Variants in KCNH2 observed in about 807,000 individuals in gnomAD.
KCNH2 encodes potassium voltage-gated channel subfamily H member 2.
In KCNH2, 35 loss-of-function variants were observed where a neutral mutation model predicts 95.9. The observed-to-expected ratio is 0.37, with a 90% CI of 0.28 to 0.48. KCNH2 has a LOEUF of 0.48. Ranked by LOEUF, KCNH2 falls within the 20% of genes least tolerant of loss-of-function variation. KCNH2 has a pLI of 0.99. For synonymous variants in KCNH2, 786 were observed against 754.7 expected (o/e 1.04, Z -0.68); for missense variants, 1,274 against 1,702.9 (o/e 0.75, Z 4.43).
At chr7:150,966,144 C>T (rs892033447) in intron 2 of KCNH2, among the ~76,000 whole-genome samples, 1 of 152,162 alleles carries the variant, frequency 6.6e-6, no homozygotes, top group Non-Finnish European at 1.5e-5. Flanking sequence ...TCACTGTGAC[C>T]CCACACACAG....
At chr7:150,948,148 C>T (rs1377316327) in intron 11 of KCNH2, among the ~76,000 whole-genome samples, 5 of 152,218 alleles carry the variant, frequency 3.3e-5, no homozygotes, top group Non-Finnish European at 7.3e-5. Context: ...GGCTCCCTGG[C>T]CCTCCTTTGT....
At chr7:150,971,801 G>A (rs911461008) in intron 2 of KCNH2, among the ~76,000 whole-genome samples, 3 of 152,012 alleles carry the variant, frequency 2.0e-5, no homozygotes, top group Non-Finnish European at 4.4e-5. Context: ...CGGTGGCAGG[G>A]AAGCAGGGAG....
intron 5 of KCNH2, among the ~76,000 whole-genome samples, chr7:150,954,106 C>T (rs1801281831): frequency 6.6e-6 from 1 of 152,168 alleles, no homozygotes; most frequent in African/African-American, 2.4e-5. Context: ...TCCAGCGGTA[C>T]CAGATGGGCT....
chr7:150,950,282 G>A lies in KCNH2; in HGVS notation c.2284C>T (p.His762Tyr). The A allele has an allele frequency of 1.7e-5, 27 of 1,613,920 alleles. No individual in the cohort carries two copies. Among genetic ancestry groups the A allele is most frequent in the Non-Finnish European group, 2.1e-5 (25 of 1,179,994 alleles). Residue 762 changes from histidine (H) to tyrosine (Y), a missense_variant, in exon 9 of 15, where the codon CAT becomes TAT. Coordinates refer to ENST00000262186, the MANE Select transcript of KCNH2 (RefSeq NM_000238.4). Reference protein sequence around the residue: ...RALAMKFKTTHAPPGDTLVHA... With the variant: ...RALAMKFKTTYAPPGDTLVHA... ...ACCAGTGTGTCCCCTGGCGGTGCAT[G>A]TGTGGTCTTGAACTTCATGGCCAGG...
At chr7:150,948,328 G>T in intron 11 of KCNH2, 116 bp downstream of exon 11, 1 of 841,080 alleles carries the variant, frequency 1.2e-6, no homozygotes, top group Non-Finnish European at 1.9e-6. Flanking sequence ...GGGCACACTG[G>T]AGGAAGGGAT....
In KCNH2 at chr7:150,947,646, C is replaced by T. The variant is rs1452843656; in HGVS notation, c.2925G>A (p.Glu975=). The T allele has an allele frequency of 1.2e-6, 2 of 1,611,974 alleles. No individual in the cohort carries two copies. Among genetic ancestry groups the T allele is most frequent in the Non-Finnish European group, 1.7e-6 (2 of 1,179,242 alleles). Residue 975 remains glutamate (E), a synonymous_variant, in exon 12 of 15, where the codon GAG becomes GAA. Transcript: ENST00000262186. Reference sequence around the variant, plus strand: ...AAGTGTCGCTGCTCTTCTCGCAGTCCTCCATCAGGGGCTCCCCACCCGGCG... The same window carrying T: ...AAGTGTCGCTGCTCTTCTCGCAGTCTTCCATCAGGGGCTCCCCACCCGGCG... The part of the protein sequence containing the change: ...GEPPGGEPLM[E]DCEKSSDTCN...
At position 150,977,946 on chromosome 7, in the gene KCNH2, A is replaced by ACCCAC. The variant is rs1802020295; in HGVS notation, c.-38_-34dup. The ACCCAC allele has an allele frequency of 6.8e-7, 1 of 1,465,818 alleles. No individual in the cohort carries two copies. The highest frequency in any genetic ancestry group is 2.0e-5 in the Admixed American group (1 of 51,086). 90.8% of individuals were successfully genotyped at this position (1,465,818 alleles called of 1,614,324 possible). A position where few individuals can be genotyped will look rare whatever the true frequency, so the allele number is the denominator to read the frequency against. On this transcript the variant is annotated 5_prime_UTR_variant, in exon 1 of 15. Coordinates refer to ENST00000262186, the MANE Select transcript of KCNH2 (RefSeq NM_000238.4). ...CCATGGGCGGGCCGGGCGGGCCCCC[A>ACCCAC]CCCACCCCGGCCCGGCCCGGCCCAG...
At chr7:150,966,126 GC>G (rs879927791) in intron 2 of KCNH2, among the ~76,000 whole-genome samples, 5 of 152,192 alleles carry the variant, frequency 3.3e-5, no homozygotes, top group African/African-American at 4.8e-5. Context: ...GTCCCCTTCA[GC>G]CCCCCTTCAC....
At position 150,978,174 on chromosome 7, in the gene KCNH2, C is replaced by G. The variant is rs976861784; in HGVS notation, c.-261G>C. The G allele has an allele frequency of 1.4e-5, 2 of 146,424 alleles. No individual in the cohort carries two copies. The highest frequency in any genetic ancestry group is 4.9e-5 in the African/African-American group (2 of 40,704). The allele number at this position is 146,424 out of a possible 1,614,324, so 9.1% of individuals were successfully genotyped here. A position where few individuals can be genotyped will look rare whatever the true frequency, so the allele number is the denominator to read the frequency against. ...CACCTGTCTGCCGGCCCCCGCCGAGCCGCGGGGCCCGCTCCGCCGCGTCCC... is the reference window on the plus strand; with the variant it reads ...CACCTGTCTGCCGGCCCCCGCCGAGGCGCGGGGCCCGCTCCGCCGCGTCCC... On this transcript the variant is annotated 5_prime_UTR_variant, in exon 1 of 15. Coordinates refer to ENST00000262186, the MANE Select transcript of KCNH2 (RefSeq NM_000238.4).
intron 13 of KCNH2, 127 bp from the exon 14 acceptor site, chr7:150,947,181 G>T: frequency 9.0e-7 from 1 of 1,105,126 alleles, no homozygotes; most frequent in Non-Finnish European, 1.3e-6. Context: ...CGCTAGAGGT[G>T]TGGCAGCCCC....
At chr7:150,947,957 GC>G (rs1219131724) in intron 11 of KCNH2, 79 bp from the exon 12 acceptor site, 20 of 1,452,154 alleles carry the variant, frequency 1.4e-5, no homozygotes, top group Non-Finnish European at 1.7e-5. Context: ...GGGGACAGGA[GC>G]GAGCCCGAGA....
At chr7:150,950,796 G>T in intron 8 of KCNH2, 125 bp downstream of exon 8, 3 of 1,001,334 alleles carry the variant, frequency 3.0e-6, no homozygotes, top group African/African-American at 1.6e-5. Context: ...AAGGGGCAAC[G>T]TGCCTCCAGG....
Position 150,977,820 on chromosome 7 carries a change from GC to G in KCNH2, c.76+17del. 6 of 534,500 alleles carry G rather than the reference GC, an allele frequency of 1.1e-5. No homozygotes were observed. Among genetic ancestry groups the G allele is most frequent in the East Asian group, 4.1e-5 (1 of 24,462 alleles). The allele number at this position is 534,500 out of a possible 1,614,324, so 33.1% of individuals were successfully genotyped here. A position where few individuals can be genotyped will look rare whatever the true frequency, so the allele number is the denominator to read the frequency against. On this transcript the variant is annotated intron_variant, in intron 1 of 14. Transcript: ENST00000262186. ...GCCCCCAGAGCCCCCTCCCCGCTCA[GC>G]CCCCTCCCCCACTCACTCTGGCCCT...
chr7:150,956,940 C>A (rs1292702466), intron 5 of KCNH2, among the ~76,000 whole-genome samples: 1 of 152,136 alleles, frequency 6.6e-6, no homozygotes, highest in South Asian at 2.1e-4. Flanking sequence ...CCTTTCATGT[C>A]CCTCAGGCCG....
At chr7:150,974,648 C>T (rs1443839921) in intron 2 of KCNH2, 63 bp downstream of exon 2, 2 of 1,221,990 alleles carry the variant, frequency 1.6e-6, no homozygotes, top group Admixed American at 2.0e-5. Flanking sequence ...CCCTGCCCCT[C>T]GCCGTGGTCC....
intron 5 of KCNH2, among the ~76,000 whole-genome samples, chr7:150,953,652 G>T (rs1314878216): frequency 6.6e-6 from 1 of 152,216 alleles, no homozygotes; most frequent in African/African-American, 2.4e-5. Flanking sequence ...TCCGGACCCG[G>T]TGACAGCAGG....
rs1472349811 is a variant in KCNH2 at position 150,946,296 on chromosome 7, G to A, written c.3330+581C>T. Among the ~76,000 whole-genome samples the A allele has an allele frequency of 1.3e-5, 2 of 152,166 alleles. No individual in the cohort carries two copies. The highest frequency in any genetic ancestry group is 2.9e-5 in the Non-Finnish European group (2 of 68,016). On this transcript the variant is annotated intron_variant, in intron 14 of 14. Transcript: ENST00000262186. The surrounding 1 kb of genome is among the most constrained non-coding windows in gnomAD (Gnocchi z 6.5). ...ACTAAGGCCCATCTCTAGCAGAGGG[G>A]GCAAAGCAGGCCCAGGAAGTCCTCC...
chr7:150,950,013 G>C, intron 9 of KCNH2, 155 bp downstream of exon 9: 1 of 1,573,248 alleles, frequency 6.4e-7, no homozygotes, highest in Non-Finnish European at 8.6e-7. Flanking sequence ...CCATGGCCCC[G>C]CTTGGAGGGC....
intron 2 of KCNH2, among the ~76,000 whole-genome samples, chr7:150,967,998 G>C (rs887484328): frequency 3.9e-5 from 6 of 152,214 alleles, no homozygotes; most frequent in African/African-American, 1.4e-4. Context: ...CAATTCACGG[G>C]AAAGTAAGCC....
Sources: allele counts gnomAD v4.1 joint callset (sites outside exome capture counted in the v4.1 genomes callset), GRCh38; gene constraint gnomAD v4.1.1; non-coding constraint Gnocchi (gnomAD v3.1); transcripts MANE v1.5; gene names NCBI Gene and HGNC (gene_info 2026-07-23, HGNC 2026-07-21).